The following VPS33A variants were observed in gnomAD, a reference collection of about 807,000 sequenced individuals.
The protein encoded by VPS33A is VPS33A core subunit of CORVET and HOPS complexes.
VPS33A carries 32 observed loss-of-function variants against 71.8 expected under a neutral mutation model. The observed-to-expected ratio is 0.45, with a 90% confidence interval of 0.34 to 0.60. The LOEUF is 0.60. Ranked by LOEUF, VPS33A falls within the 20% of genes least tolerant of loss-of-function variation. VPS33A has a pLI of 0.02. For synonymous variants in VPS33A, 311 were observed against 292.7 expected (o/e 1.06, Z -0.64); for missense variants, 625 against 748.5 (o/e 0.84, Z 1.92).
chr12:122,251,453 G>C (rs980913868), intron 4 of VPS33A, among the ~76,000 whole-genome samples: 5 of 152,176 alleles, frequency 3.3e-5, no homozygotes, highest in Admixed American at 6.5e-5. Flanking sequence ...TCACTGGTGA[G>C]AGTAAACTCT....
chr12:122,261,238 A>G (rs779452915), intron 4 of VPS33A, 23 bp downstream of exon 4: 2 of 1,595,850 alleles, frequency 1.3e-6, no homozygotes, highest in East Asian at 4.5e-5. Context: ...TAATGCCTGA[A>G]GTTAAGGAAA....
chr12:122,239,554 G>A (rs1954682119), intron 9 of VPS33A, among the ~76,000 whole-genome samples: 1 of 152,042 alleles, frequency 6.6e-6, no homozygotes, highest in Non-Finnish European at 1.5e-5. Context: ...CTAACATGGT[G>A]AAACCCCGTC....
At chr12:122,265,329 C>T (rs1472670795) in intron 1 of VPS33A, among the ~76,000 whole-genome samples, 2 of 152,098 alleles carry the variant, frequency 1.3e-5, no homozygotes, top group Non-Finnish European at 2.9e-5. Context: ...CAACCTAGGA[C>T]TTTTTGACAC....
At chr12:122,260,514 G>T (rs1040972275) in intron 4 of VPS33A, among the ~76,000 whole-genome samples, 2 of 151,764 alleles carry the variant, frequency 1.3e-5, no homozygotes, top group Admixed American at 6.6e-5. Flanking sequence ...TCCCAGGCTG[G>T]TCTCAAACTC....
chr12:122,238,718 T>C lies in VPS33A; in HGVS notation c.1171A>G (p.Asn391Asp). The C allele has an allele frequency of 6.2e-7, 1 of 1,612,952 alleles. No homozygotes were observed. The highest frequency in any genetic ancestry group is 8.5e-7 in the Non-Finnish European group (1 of 1,179,798). The change falls in exon 10 of 13, where the codon AAT (asparagine) becomes GAT (aspartate). Residue 391 changes from asparagine to aspartate, a missense_variant. By Grantham distance (23) the Asn-to-Asp change is conservative. Coordinates refer to ENST00000267199, the MANE Select transcript of VPS33A (RefSeq NM_022916.6). ...TGGGCGATACAATCCTCAATGTAAT[T>C]GTTGACCTGGAAATAAAGTAGCATA... ...MSGIDTDKVN[N>D]YIEDCIAQKH...
At chr12:122,239,457 C>T (rs117293213) in intron 9 of VPS33A, among the ~76,000 whole-genome samples, 5,834 of 152,134 alleles carry the variant, frequency 0.038, 145 homozygotes, top group Middle Eastern at 0.11. Context: ...TTTAAGTGGC[C>T]GGGCGCAGTG....
At chr12:122,259,078 C>T (rs575022168) in intron 4 of VPS33A, among the ~76,000 whole-genome samples, 20 of 150,934 alleles carry the variant, frequency 1.3e-4, no homozygotes, top group Admixed American at 2.0e-4. Context: ...GGAGTACAAA[C>T]GGTACAGCTT....
chr12:122,256,722 T>C (rs1197318258), intron 4 of VPS33A, among the ~76,000 whole-genome samples: 2 of 152,002 alleles, frequency 1.3e-5, no homozygotes, highest in Non-Finnish European at 2.9e-5. Context: ...CCAGAAGCAA[T>C]GTCAAAAGAA....
chr12:122,241,324 G>A (rs73421728), intron 8 of VPS33A, among the ~76,000 whole-genome samples: 20,014 of 151,638 alleles, frequency 0.13, 3,964 homozygotes, highest in African/African-American at 0.43. Flanking sequence ...TCGTTATTTC[G>A]AGATGGAGTC....
At chr12:122,242,751 A>C (rs1157106028) in intron 7 of VPS33A, among the ~76,000 whole-genome samples, 1 of 152,042 alleles carries the variant, frequency 6.6e-6, no homozygotes, top group Non-Finnish European at 1.5e-5. Context: ...ACAGGGTTTC[A>C]CCATATTGGT....
At chr12:122,256,863 T>A (rs1954926147) in intron 4 of VPS33A, among the ~76,000 whole-genome samples, 3 of 152,198 alleles carry the variant, frequency 2.0e-5, no homozygotes, top group African/African-American at 7.2e-5. Context: ...GCTGATTTAA[T>A]ACATTATGTA....
chr12:122,259,189 GTA>G lies in VPS33A; in HGVS notation c.483+2070_483+2071del, dbSNP rs1255143867. Among the ~76,000 whole-genome samples, 145 of 88,572 alleles carry G rather than the reference GTA, an allele frequency of 1.6e-3. 3 individuals carry two copies. The highest frequency in any genetic ancestry group is 7.2e-3 in the East Asian group (4 of 556). The allele number at this position is 88,572 out of a possible 152,430, so 58.1% of individuals were successfully genotyped here. On this transcript the variant is annotated intron_variant, in intron 4 of 12. Coordinates refer to ENST00000267199, the MANE Select transcript of VPS33A (RefSeq NM_022916.6). Reference sequence around the variant, plus strand: ...GGTGTGTGTGTGTGTATGTATGTGTGTATGTATGTATGTATGTATGTATGTAT... The same window carrying G: ...GGTGTGTGTGTGTGTATGTATGTGTGTGTATGTATGTATGTATGTATGTAT...
intron 12 of VPS33A, 133 bp downstream of exon 12, chr12:122,232,667 A>G (rs1954578680): frequency 3.3e-6 from 4 of 1,211,262 alleles, no homozygotes; most frequent in East Asian, 4.9e-5. Context: ...TACTACATAC[A>G]TTAGCAACGA....
At chr12:122,252,474 G>A (rs534782296) in intron 4 of VPS33A, among the ~76,000 whole-genome samples, 1 of 152,078 alleles carries the variant, frequency 6.6e-6, no homozygotes, top group Non-Finnish European at 1.5e-5. Context: ...GTTTCACCAT[G>A]TTAGCCCTGA....
chr12:122,232,036 G>C lies in VPS33A; in HGVS notation c.*210C>G, dbSNP rs1476473945. 3 of 499,662 alleles carry C rather than the reference G, an allele frequency of 6.0e-6. No homozygotes were observed. The highest frequency in any genetic ancestry group is 1.0e-5 in the Non-Finnish European group (3 of 293,772). 31.0% of individuals were successfully genotyped at this position (499,662 alleles called of 1,614,324 possible). On this transcript the variant is annotated 3_prime_UTR_variant, in exon 13 of 13. Transcript: ENST00000267199. The stretch of plus-strand genomic sequence containing the variant: ...CGTGCCACTGCACTCTAGTCTGGGT[G>C]ACAGAGCAAGACTCCGTCTCAAAGG...
At chr12:122,251,920 TA>T (rs76806704) in intron 4 of VPS33A, among the ~76,000 whole-genome samples, 3,213 of 123,624 alleles carry the variant, frequency 0.026, 84 homozygotes, top group African/African-American at 0.075. Context: ...ACTTAAAGTA[TA>T]AAAAAAAAAA....
chr12:122,243,115 G>C (rs55852398), intron 7 of VPS33A, among the ~76,000 whole-genome samples: 5,668 of 152,234 alleles, frequency 0.037, 349 homozygotes, highest in African/African-American at 0.13. Flanking sequence ...CTGAGTATTG[G>C]TGAAAGATAG....
At chr12:122,249,157 AAC>A (rs1954812001) in intron 6 of VPS33A, 1 of 152,196 alleles carries the variant, frequency 6.6e-6, no homozygotes, top group Admixed American at 6.6e-5. Flanking sequence ...CATATATAAC[AAC>A]CTCTAATTGA....
At chr12:122,258,115 C>T (rs758030066) in intron 4 of VPS33A, among the ~76,000 whole-genome samples, 2 of 151,970 alleles carry the variant, frequency 1.3e-5, no homozygotes, top group Non-Finnish European at 1.5e-5. Flanking sequence ...ATAAGCTGGG[C>T]GCGGTGGGTC....
Sources: gnomAD v4.1 joint callset for allele counts (sites outside exome capture counted in the v4.1 genomes callset) on GRCh38, gnomAD v4.1.1 for gene constraint, MANE v1.5 for transcripts, NCBI Gene and HGNC (gene_info 2026-07-23, HGNC 2026-07-21) for gene names.